RBMS1: variants seen among roughly 807,000 people sequenced by gnomAD.
RBMS1 encodes the protein RNA-binding motif, single-stranded-interacting protein 1.
In RBMS1, 17 loss-of-function variants were observed where a neutral mutation model predicts 62.3. The observed-to-expected ratio is 0.27, with a 90% CI of 0.19 to 0.41. The LOEUF (loss-of-function observed/expected upper bound fraction) is 0.41. Ranked by LOEUF, RBMS1 falls within the 10% of genes least tolerant of loss-of-function variation. The pLI, the probability that RBMS1 is intolerant of heterozygous loss-of-function variation, is 1.00. For missense variants in RBMS1, 334 were observed against 504.5 expected (o/e 0.66, Z 3.24); for synonymous variants, 172 against 170.0 (o/e 1.01, Z -0.09).
At chr2:160,410,194 T>C (rs907238496) in intron 1 of RBMS1, among the ~76,000 whole-genome samples, 48 of 121,524 alleles carry the variant, frequency 3.9e-4, no homozygotes, top group African/African-American at 1.5e-3. Flanking sequence ...TGCACCCCAG[T>C]CTGGGTGACA....
intron 1 of RBMS1, among the ~76,000 whole-genome samples, chr2:160,466,369 T>C (rs1039118927): frequency 2.0e-5 from 3 of 152,160 alleles, no homozygotes; most frequent in Non-Finnish European, 4.4e-5. Context: ...TTGCTTTCAA[T>C]TGATGCTTTG....
rs1053005386 is a variant in RBMS1 at position 160,275,680 on chromosome 2, G to A, written c.1178C>T (p.Thr393Met). 25 of 1,613,674 alleles carry A rather than the reference G, an allele frequency of 1.5e-5. No individual in the cohort carries two copies. Among genetic ancestry groups the A allele is most frequent in the Middle Eastern group, 3.3e-4 (2 of 6,082 alleles). Residue 393 changes from threonine to methionine, a missense_variant, in exon 13 of 14, where the codon ACG (threonine) becomes ATG (methionine). This residue lies in a region of RBMS1 where 182 missense variants were observed against 257.7 expected (regional missense o/e 0.71). Transcript: ENST00000348849. ...ASGQQQVAVE[T>M]SNDHSPYTFQ... is the part of the protein sequence containing the mutation. Reference sequence around the variant, plus strand: ...GGTATATGGAGAATGGTCATTAGACGTCTCGACAGCCACCTGCTGTTGACC... The same window carrying A: ...GGTATATGGAGAATGGTCATTAGACATCTCGACAGCCACCTGCTGTTGACC...
At chr2:160,331,414 C>G (rs1407888589) in intron 2 of RBMS1, among the ~76,000 whole-genome samples, 1 of 152,152 alleles carries the variant, frequency 6.6e-6, no homozygotes, top group South Asian at 2.1e-4. Context: ...CTGCACTCTG[C>G]CCATGGCATC....
At chr2:160,363,464 G>C (rs569736820) in intron 2 of RBMS1, among the ~76,000 whole-genome samples, 74 of 152,248 alleles carry the variant, frequency 4.9e-4, no homozygotes, top group Non-Finnish European at 9.4e-4. Flanking sequence ...AATAGAGATG[G>C]GGAGGGGAGG....
At chr2:160,479,635 C>T (rs1055726702) in intron 1 of RBMS1, among the ~76,000 whole-genome samples, 3 of 152,186 alleles carry the variant, frequency 2.0e-5, no homozygotes, top group African/African-American at 7.2e-5. Flanking sequence ...CCAGACCCTC[C>T]CCAGCTCTGG....
At chr2:160,379,945 C>A (rs1694194459) in intron 1 of RBMS1, among the ~76,000 whole-genome samples, 1 of 152,186 alleles carries the variant, frequency 6.6e-6, no homozygotes, top group East Asian at 1.9e-4. Context: ...GTGGGCAACA[C>A]AGAACTCAGT....
chr2:160,297,553 G>T (rs1689002958), intron 6 of RBMS1, among the ~76,000 whole-genome samples: 2 of 152,198 alleles, frequency 1.3e-5, no homozygotes, highest in African/African-American at 2.4e-5. Flanking sequence ...TAGTTTAGTG[G>T]GACTGACACA....
At chr2:160,439,116 C>A (rs1188947597) in intron 1 of RBMS1, among the ~76,000 whole-genome samples, 2 of 150,300 alleles carry the variant, frequency 1.3e-5, no homozygotes, top group Non-Finnish European at 3.0e-5. Flanking sequence ...CCTCACCTGC[C>A]GGATGGGGCG....
intron 1 of RBMS1, among the ~76,000 whole-genome samples, chr2:160,404,392 T>C (rs933720528): frequency 1.3e-5 from 2 of 152,148 alleles, no homozygotes; most frequent in Non-Finnish European, 2.9e-5. Flanking sequence ...TCCTACACAG[T>C]CGACCCTCCG....
chr2:160,311,249 T>TATAG lies in RBMS1; in HGVS notation c.402+1906_402+1907insCTAT, dbSNP rs1412922843. ...CTATCTATCTATATATATATATATATATATATATAGTCTGTTTATTTTAAC... is the reference window on the plus strand; with the variant it reads ...CTATCTATCTATATATATATATATATATAGATATATATAGTCTGTTTATTTTAAC... On this transcript the variant is annotated intron_variant, in intron 4 of 13. Coordinates refer to ENST00000348849, the MANE Select transcript of RBMS1 (RefSeq NM_016836.4). Among the ~76,000 whole-genome samples, 5 of 141,796 alleles carry TATAG rather than the reference T, an allele frequency of 3.5e-5. 1 individual carries two copies. The East Asian group carries it at 1.0e-3, about 28-fold the overall frequency. 93.0% of individuals were successfully genotyped at this position (141,796 alleles called of 152,430 possible).
intron 2 of RBMS1, among the ~76,000 whole-genome samples, chr2:160,360,503 C>A (rs1257467953): frequency 6.6e-6 from 1 of 152,166 alleles, no homozygotes. Context: ...TAACAATATG[C>A]CCCCAACCTA....
chr2:160,442,943 C>G (rs938392287), intron 1 of RBMS1, among the ~76,000 whole-genome samples: 2 of 152,150 alleles, frequency 1.3e-5, no homozygotes, highest in Admixed American at 6.5e-5. Context: ...CGGTGGCTCA[C>G]GCCTGTAATC....
chr2:160,333,840 GGA>G (rs1024142051), intron 2 of RBMS1, among the ~76,000 whole-genome samples: 1 of 152,018 alleles, frequency 6.6e-6, no homozygotes, highest in African/African-American at 2.4e-5. Flanking sequence ...TGGAAACTCA[GGA>G]GATAACAAAC....
intron 2 of RBMS1, among the ~76,000 whole-genome samples, chr2:160,332,513 T>C (rs538111904): frequency 2.3e-4 from 35 of 152,288 alleles, no homozygotes; most frequent in African/African-American, 7.5e-4. Context: ...GAAGTGAGCA[T>C]GTTATCAGCA....
intron 1 of RBMS1, among the ~76,000 whole-genome samples, chr2:160,368,602 C>T (rs1693543971): frequency 1.3e-5 from 2 of 152,116 alleles, no homozygotes; most frequent in African/African-American, 2.4e-5. Flanking sequence ...ATCCTAATTC[C>T]ATAATATCTC....
At chr2:160,279,972 AAT>A (rs1461058526) in intron 10 of RBMS1, among the ~76,000 whole-genome samples, 2 of 152,230 alleles carry the variant, frequency 1.3e-5, no homozygotes, top group Non-Finnish European at 2.9e-5. Flanking sequence ...TGTCAGAGAT[AAT>A]GTTTGTCATT....
chr2:160,381,238 A>C (rs1031841757), intron 1 of RBMS1, among the ~76,000 whole-genome samples: 1 of 152,178 alleles, frequency 6.6e-6, no homozygotes, highest in Non-Finnish European at 1.5e-5. Flanking sequence ...GTTTTCCCTT[A>C]ATAGGGGGAT....
intron 1 of RBMS1, among the ~76,000 whole-genome samples, chr2:160,411,820 G>A (rs1696049400): frequency 6.6e-6 from 1 of 152,180 alleles, no homozygotes; most frequent in South Asian, 2.1e-4. Flanking sequence ...CAAAGAACAG[G>A]AGCAAGGGTA....
chr2:160,406,596 C>G (rs1347178321), intron 1 of RBMS1, among the ~76,000 whole-genome samples: 3 of 152,196 alleles, frequency 2.0e-5, no homozygotes, highest in Non-Finnish European at 4.4e-5. Context: ...TCAATTTAAC[C>G]TTTTCTAAAC....
Sources: gnomAD v4.1 joint callset for allele counts (sites outside exome capture counted in the v4.1 genomes callset) on GRCh38, gnomAD v4.1.1 for gene constraint, gnomAD v4.1.1 regional missense constraint, MANE v1.5 for transcripts, NCBI Gene and HGNC (gene_info 2026-07-23, HGNC 2026-07-21) for gene names.